The following ASAP1 variants were observed in gnomAD, a reference collection of about 807,000 sequenced individuals.
The protein encoded by ASAP1 is ArfGAP with SH3 domain, ankyrin repeat and PH domain 1, also known as arf-GAP with SH3 domain, ANK repeat and PH domain-containing protein 1.
ASAP1 carries 43 observed loss-of-function variants against 145.2 expected under a neutral mutation model. The ratio of observed to expected loss-of-function variants is 0.30; its 90% confidence interval spans 0.23 to 0.38. The LOEUF (loss-of-function observed/expected upper bound fraction) is 0.38. Ranked by LOEUF, ASAP1 falls within the 10% of genes least tolerant of loss-of-function variation. The pLI is 1.00. For synonymous variants in ASAP1, 546 were observed against 515.5 expected (o/e 1.06, Z -0.80); for missense variants, 1,018 against 1,355.3 (o/e 0.75, Z 3.91).
intron 22 of ASAP1, 22 bp from the exon 23 acceptor site, chr8:130,115,757 C>T: frequency 6.5e-7 from 1 of 1,530,750 alleles, no homozygotes; most frequent in South Asian, 1.1e-5. Flanking sequence ...AGCAAATGTG[C>T]ACCATTTTAA....
intron 4 of ASAP1, among the ~76,000 whole-genome samples, chr8:130,235,717 A>G (rs984132370): frequency 6.6e-6 from 1 of 152,182 alleles, no homozygotes; most frequent in African/African-American, 2.4e-5. Flanking sequence ...TTAACAATTA[A>G]TATTACAGAA....
At chr8:130,438,253 A>G (rs562343425) in intron 1 of ASAP1, among the ~76,000 whole-genome samples, 2 of 152,300 alleles carry the variant, frequency 1.3e-5, no homozygotes, top group South Asian at 4.1e-4. Context: ...CAACGTGGCT[A>G]CACAGCACAT....
At chr8:130,369,049 G>A in intron 2 of ASAP1, among the ~76,000 whole-genome samples, 1 of 152,282 alleles carries the variant, frequency 6.6e-6, no homozygotes, top group Non-Finnish European at 1.5e-5. Context: ...CCGTAAAATG[G>A]GGATAATGAT....
intron 28 of ASAP1, among the ~76,000 whole-genome samples, chr8:130,059,671 C>T (rs556329225): frequency 6.6e-6 from 1 of 152,282 alleles, no homozygotes; most frequent in Admixed American, 6.5e-5. Context: ...GAGTAGGAAA[C>T]ATTTCATGAA....
At chr8:130,212,836 G>A (rs1311493080) in intron 5 of ASAP1, among the ~76,000 whole-genome samples, 1 of 152,220 alleles carries the variant, frequency 6.6e-6, no homozygotes, top group Non-Finnish European at 1.5e-5. Context: ...GCAAACCGTA[G>A]AGATGAGATT....
chr8:130,430,916 C>T (rs1830113922), intron 1 of ASAP1, among the ~76,000 whole-genome samples: 1 of 152,186 alleles, frequency 6.6e-6, no homozygotes, highest in Non-Finnish European at 1.5e-5. Flanking sequence ...AGCCAAAGTG[C>T]TGCAGCTGTG....
At chr8:130,262,417 AGAGAGAGAGAGAGAG>A (rs1378265882) in intron 3 of ASAP1, among the ~76,000 whole-genome samples, 8 of 32,978 alleles carry the variant, frequency 2.4e-4, no homozygotes, top group Admixed American at 9.4e-4. Flanking sequence ...AAAAAAAAAA[AGAGAGAGAGAGAGAG>A]AGAGAGAGAG....
At chr8:130,394,789 G>T (rs115244976) in intron 2 of ASAP1, among the ~76,000 whole-genome samples, 6 of 152,072 alleles carry the variant, frequency 3.9e-5, no homozygotes, top group African/African-American at 1.5e-4. Context: ...AAGAACCTAC[G>T]TGACTATCAG....
chr8:130,300,143 C>CAGAGAG (rs1458876507), intron 3 of ASAP1, among the ~76,000 whole-genome samples: 66 of 111,736 alleles, frequency 5.9e-4, no homozygotes, highest in African/African-American at 2.6e-3. Flanking sequence ...CACACACACA[C>CAGAGAG]ACACACACAC....
chr8:130,208,557 T>C (rs894920523), intron 5 of ASAP1: 1 of 152,170 alleles, frequency 6.6e-6, no homozygotes, highest in African/African-American at 2.4e-5. Flanking sequence ...TTTTTTTTTT[T>C]CACTTTAAGG....
chr8:130,056,226 G>GA (rs960825603), intron 29 of ASAP1, among the ~76,000 whole-genome samples: 1 of 152,234 alleles, frequency 6.6e-6, no homozygotes, highest in African/African-American at 2.4e-5. Context: ...AAGGCCCATA[G>GA]AGCTAGTAAC....
intron 16 of ASAP1, among the ~76,000 whole-genome samples, chr8:130,127,460 G>A (rs917236345): frequency 5.3e-5 from 8 of 152,016 alleles, no homozygotes; most frequent in East Asian, 1.9e-4. Flanking sequence ...CAAGTGATCC[G>A]CCCGCCTCAG....
chr8:130,223,916 C>T (rs768075233), intron 4 of ASAP1, among the ~76,000 whole-genome samples: 2 of 152,136 alleles, frequency 1.3e-5, no homozygotes, highest in Non-Finnish European at 2.9e-5. Context: ...CTGGGATACA[C>T]GCATTATTAC....
intron 1 of ASAP1, among the ~76,000 whole-genome samples, chr8:130,436,815 A>G (rs565345387): frequency 6.6e-6 from 1 of 152,216 alleles, no homozygotes; most frequent in South Asian, 2.1e-4. Context: ...AATAATAATA[A>G]TATAAAAAAT....
chr8:130,430,808 C>T (rs1185423576), intron 1 of ASAP1, among the ~76,000 whole-genome samples: 1 of 152,144 alleles, frequency 6.6e-6, no homozygotes, highest in Non-Finnish European at 1.5e-5. Context: ...GAGTGACAGG[C>T]GTGAAGGGAG....
chr8:130,340,795 A>G (rs1345172253), intron 3 of ASAP1: 2 of 407,286 alleles, frequency 4.9e-6, no homozygotes, highest in African/African-American at 4.2e-5. Flanking sequence ...TAAAATTTAC[A>G]TAAAGAACTT....
chr8:130,124,043 G>A lies in ASAP1; in HGVS notation c.1577C>T (p.Pro526Leu). The A allele has an allele frequency of 2.5e-6, 4 of 1,609,240 alleles. No homozygotes were observed. Among genetic ancestry groups the A allele is most frequent in the Non-Finnish European group, 2.5e-6 (3 of 1,178,692 alleles). The change falls in exon 18 of 30, where the codon CCC becomes CTC. Residue 526 changes from proline to leucine, a missense_variant. Physicochemically the swap from Pro to Leu is moderately conservative, Grantham distance 98. This residue lies in a region of ASAP1 where 153 missense variants were observed against 221.6 expected (regional missense o/e 0.69). Coordinates refer to ENST00000518721, the MANE Select transcript of ASAP1 (RefSeq NM_018482.4). ...NDIMEANLPSPSPKPTPSSDM... is the reference protein window; with the variant it reads ...NDIMEANLPSLSPKPTPSSDM... ...ACTTGAAGGGGTGGGTTTTGGTGAG[G>A]GGCTGGGTAAATTTGCTTCCATAAT... is the stretch of plus-strand genomic sequence containing the variant.
chr8:130,271,435 C>T (rs916669533), intron 3 of ASAP1, among the ~76,000 whole-genome samples: 2 of 152,182 alleles, frequency 1.3e-5, no homozygotes, highest in Non-Finnish European at 2.9e-5. Context: ...ATACCTTTTA[C>T]ATAGTTTTGA....
At chr8:130,055,297 G>GAA (rs550577973) in intron 29 of ASAP1, among the ~76,000 whole-genome samples, 7 of 74,346 alleles carry the variant, frequency 9.4e-5, no homozygotes, top group Admixed American at 4.4e-4. Flanking sequence ...ATTTAAAAAA[G>GAA]AAAAAAAAAA....
Sources: allele counts gnomAD v4.1 joint callset (sites outside exome capture counted in the v4.1 genomes callset), GRCh38; gene constraint gnomAD v4.1.1; regional missense constraint gnomAD v4.1.1; transcripts MANE v1.5; gene names NCBI Gene and HGNC (gene_info 2026-07-23, HGNC 2026-07-21).